Variants in CNTN5 observed in about 807,000 individuals in gnomAD.
CNTN5 encodes contactin-5.
A neutral mutation model predicts 129.1 loss-of-function variants in CNTN5; 77 were observed. The ratio of observed to expected loss-of-function variants is 0.60; its 90% CI spans 0.50 to 0.72. The LOEUF is 0.72. CNTN5 is among the 30% of genes least tolerant of loss of function. CNTN5 has a pLI of 0.00. For missense variants in CNTN5, 1,478 were observed against 1,328.8 expected, an observed-to-expected ratio of 1.11 and a Z score of -1.75; for synonymous variants, 509 against 465.6, an observed-to-expected ratio of 1.09 and a Z score of -1.20.
At chr11:99,612,999 A>AG (rs1214468325) in intron 3 of CNTN5, among the ~76,000 whole-genome samples, 1 of 152,184 alleles carries the variant, frequency 6.6e-6, no homozygotes, top group Non-Finnish European at 1.5e-5. Context: ...GGCAGGTTTC[A>AG]GAGTCACTTA....
chr11:99,358,237 C>A (rs1307196372), intron 2 of CNTN5, among the ~76,000 whole-genome samples: 3 of 98,364 alleles, frequency 3.0e-5, no homozygotes, highest in South Asian at 4.7e-4. Flanking sequence ...TACAGGCGCC[C>A]GCCACCACGC....
At chr11:99,719,900 C>G (rs1264053048) in intron 3 of CNTN5, among the ~76,000 whole-genome samples, 1 of 152,170 alleles carries the variant, frequency 6.6e-6, no homozygotes, top group South Asian at 2.1e-4. Context: ...ACTATGAACA[C>G]CTCTACACAC....
chr11:99,034,306 C>A (rs6589853), intron 1 of CNTN5, among the ~76,000 whole-genome samples: 49,929 of 151,522 alleles, frequency 0.33, 9,505 homozygotes, highest in East Asian at 0.55. Flanking sequence ...GGAGGATTCC[C>A]TCTTTTTCTA....
intron 2 of CNTN5, among the ~76,000 whole-genome samples, chr11:99,451,292 C>A (rs1944291566): frequency 6.6e-6 from 1 of 152,192 alleles, no homozygotes; most frequent in African/African-American, 2.4e-5. Flanking sequence ...GCAGAGTATT[C>A]ACACTGATGA....
At chr11:99,850,613 G>A (rs981467103) in intron 6 of CNTN5, among the ~76,000 whole-genome samples, 1 of 151,954 alleles carries the variant, frequency 6.6e-6, no homozygotes, top group East Asian at 1.9e-4. Context: ...CTTTCGAAAG[G>A]TGATTTTTTT....
chr11:100,256,912 T>C (rs541229864), intron 17 of CNTN5, among the ~76,000 whole-genome samples: 2 of 152,162 alleles, frequency 1.3e-5, no homozygotes, highest in Admixed American at 1.3e-4. Context: ...AGGAGTGTTT[T>C]TTCATACCCT....
intron 1 of CNTN5, among the ~76,000 whole-genome samples, chr11:99,269,302 G>A (rs1391961212): frequency 6.7e-6 from 1 of 150,356 alleles, no homozygotes; most frequent in East Asian, 1.9e-4. Flanking sequence ...ATTACTTTAG[G>A]TAATAGTTTA....
At chr11:99,650,978 G>C (rs1952133835) in intron 3 of CNTN5, among the ~76,000 whole-genome samples, 3 of 151,914 alleles carry the variant, frequency 2.0e-5, no homozygotes, top group Admixed American at 2.0e-4. Flanking sequence ...TCTACCTTCA[G>C]AAAAGATGTT....
Position 99,847,411 on chromosome 11 carries a change from C to G in CNTN5, c.577+2149C>G, listed in dbSNP as rs79667140. On this transcript the variant is annotated intron_variant, in intron 6 of 24. Coordinates refer to ENST00000524871, the MANE Select transcript of CNTN5 (RefSeq NM_014361.4). ...CTATTTAGCATGAAGCTGTCTTCAA[C>G]TTGATTTAGAGCAATATCTGCTTAT... 7.3e-3 allele frequency among the ~76,000 whole-genome samples: 1,115 copies of G among 152,276 alleles called. 29 individuals carry two copies. In the East Asian group the frequency reaches 0.1, roughly 14 times the overall value.
At chr11:99,544,101 C>T (rs569638456) in intron 2 of CNTN5, among the ~76,000 whole-genome samples, 40 of 152,118 alleles carry the variant, frequency 2.6e-4, no homozygotes, top group Middle Eastern at 3.4e-3. Flanking sequence ...GCTGTATAAG[C>T]GTGGCACTGG....
chr11:100,046,242 A>G (rs574977143), intron 9 of CNTN5, among the ~76,000 whole-genome samples: 8 of 152,266 alleles, frequency 5.3e-5, no homozygotes, highest in Non-Finnish European at 8.8e-5. Context: ...TTTTGATGTA[A>G]TATCTGATTA....
chr11:99,892,914 T>G lies in CNTN5; in HGVS notation c.578-23140T>G, dbSNP rs543748151. 9.1e-4 allele frequency among the ~76,000 whole-genome samples: 138 copies of G among 152,318 alleles called. 1 individual carries two copies. The highest frequency in any genetic ancestry group is 1.6e-3 in the Non-Finnish European group (106 of 68,030). On this transcript the variant is annotated intron_variant, in intron 6 of 24. Transcript: ENST00000524871. ...ACAGCATTGAATCTATAAATAAGTT[T>G]GGGCAGTATGGCCATTTTCACGATA...
intron 3 of CNTN5, among the ~76,000 whole-genome samples, chr11:99,599,604 C>T (rs12276302): frequency 0.14 from 21,018 of 152,080 alleles, 1,636 homozygotes; most frequent in Non-Finnish European, 0.18. Context: ...ATATGTAAAA[C>T]ATTTTATCAC....
At chr11:99,536,002 C>A (rs950992408) in intron 2 of CNTN5, among the ~76,000 whole-genome samples, 3 of 152,040 alleles carry the variant, frequency 2.0e-5, no homozygotes, top group Non-Finnish European at 4.4e-5. Flanking sequence ...AAAGTATCAA[C>A]CACATTCTAA....
intron 1 of CNTN5, among the ~76,000 whole-genome samples, chr11:99,148,523 G>A (rs978779670): frequency 4.6e-5 from 7 of 152,196 alleles, no homozygotes; most frequent in Middle Eastern, 3.4e-3. Flanking sequence ...TGCCTTATTT[G>A]GGCATGGTAT....
At chr11:100,309,137 T>A in intron 21 of CNTN5, 1 of 985,054 alleles carries the variant, frequency 1.0e-6, no homozygotes, top group Non-Finnish European at 1.2e-6. Flanking sequence ...TGGCCAGTCA[T>A]GGAGAGGAAT....
intron 2 of CNTN5, among the ~76,000 whole-genome samples, chr11:99,530,864 A>C (rs2135466656): frequency 6.6e-6 from 1 of 152,302 alleles, no homozygotes; most frequent in East Asian, 1.9e-4. Flanking sequence ...GCCATGTGGA[A>C]CTGTAAGTCA....
At chr11:99,153,257 T>C (rs908623587) in intron 1 of CNTN5, among the ~76,000 whole-genome samples, 6 of 152,224 alleles carry the variant, frequency 3.9e-5, no homozygotes, top group Admixed American at 6.5e-5. Context: ...GGTTGCTTTC[T>C]TTCTTCTTTC....
chr11:99,933,906 T>C (rs748125496), intron 7 of CNTN5, among the ~76,000 whole-genome samples: 64 of 152,224 alleles, frequency 4.2e-4, no homozygotes, highest in Non-Finnish European at 7.3e-4. Context: ...TATATGTCTT[T>C]GTGTGATTTT....
Sources: gnomAD v4.1 joint callset for allele counts (sites outside exome capture counted in the v4.1 genomes callset) on GRCh38, gnomAD v4.1.1 for gene constraint, MANE v1.5 for transcripts, NCBI Gene and HGNC (gene_info 2026-07-23, HGNC 2026-07-21) for gene names.